C1QTNF8: variants seen among roughly 807,000 people sequenced by gnomAD.
C1QTNF8 encodes complement C1q tumor necrosis factor-related protein 8.
C1QTNF8 carries 27 observed loss-of-function variants against 19.2 expected under a neutral mutation model. The observed-to-expected ratio is 1.41, with a 90% confidence interval of 1.04 to 1.94. The LOEUF (loss-of-function observed/expected upper bound fraction) is 1.94. Ranked by LOEUF, C1QTNF8 falls within the 30% of genes most tolerant of loss-of-function variation. The pLI is 0.00. For missense variants in C1QTNF8, 484 were observed against 374.4 expected (o/e 1.29, Z -2.42); for synonymous variants, 208 against 172.8 (o/e 1.20, Z -1.60).
chr16:1,089,582 A>T lies in C1QTNF8; in HGVS notation c.*1017T>A, dbSNP rs13333683. On this transcript the variant is annotated 3_prime_UTR_variant, in exon 5 of 5. Coordinates refer to ENST00000328449, the MANE Select transcript of C1QTNF8 (RefSeq NM_207419.3). ...ACGGGCTCTGTGTGGGGTGGGCGGG[A>T]CGTGGCTGCAGCCTGGCTCTGCCTG... is the stretch of plus-strand genomic sequence containing the variant. Among the ~76,000 whole-genome samples the T allele has an allele frequency of 0.014, 2,061 of 152,254 alleles. 41 individuals carry two copies. The highest frequency in any genetic ancestry group is 0.047 in the African/African-American group (1,966 of 41,536).
chr16:1,089,193 G>A lies in C1QTNF8; in HGVS notation c.*1406C>T, dbSNP rs1372535722. The stretch of plus-strand genomic sequence containing the variant: ...AGAGGAGATGTCCTCCCTGGCCCTG[G>A]GGTGGTCCGGACCCCTGGCTCCCAT... On this transcript the variant is annotated 3_prime_UTR_variant, in exon 5 of 5. Coordinates refer to ENST00000328449, the MANE Select transcript of C1QTNF8 (RefSeq NM_207419.3). 1.3e-5 allele frequency among the ~76,000 whole-genome samples: 2 copies of A among 152,086 alleles called. No homozygotes were observed. Among genetic ancestry groups the A allele is most frequent in the African/African-American group, 4.8e-5 (2 of 41,406 alleles).
At chr16:1,092,724 A>T (rs28584893) in intron 4 of C1QTNF8, among the ~76,000 whole-genome samples, 4 of 17,316 alleles carry the variant, frequency 2.3e-4, no homozygotes, top group African/African-American at 1.4e-3. Flanking sequence ...TCAACCAATC[A>T]CAGCACACAG....
intron 1 of C1QTNF8, 50 bp downstream of exon 1, chr16:1,096,106 C>T (rs1451139612): frequency 6.6e-6 from 1 of 152,324 alleles, no homozygotes; most frequent in Non-Finnish European, 1.5e-5. Flanking sequence ...ACTCCCACAA[C>T]CAGCCCCAGG....
At chr16:1,091,710 C>T (rs1960547377) in intron 4 of C1QTNF8, among the ~76,000 whole-genome samples, 1 of 152,158 alleles carries the variant, frequency 6.6e-6, no homozygotes, top group South Asian at 2.1e-4. Flanking sequence ...GCTCTGGTGC[C>T]CATCAGGGTC....
At chr16:1,095,864 A>T (rs1171980075) in intron 1 of C1QTNF8, 76 bp from the exon 2 acceptor site, 1 of 152,314 alleles carries the variant, frequency 6.6e-6, no homozygotes, top group African/African-American at 2.4e-5. Context: ...CCATGAGCTC[A>T]GCAGACCCTG....
chr16:1,092,484 C>T (rs1222465711), intron 4 of C1QTNF8, among the ~76,000 whole-genome samples: 3 of 145,688 alleles, frequency 2.1e-5, no homozygotes, highest in Admixed American at 6.8e-5. Flanking sequence ...AGCACACAGT[C>T]GGCACTCAAC....
rs868296228 is a variant in C1QTNF8, at chr16:1,093,374, G to T, written c.*4+123C>A. On this transcript the variant is annotated intron_variant, in intron 4 of 4. Coordinates refer to ENST00000328449, the MANE Select transcript of C1QTNF8 (RefSeq NM_207419.3). Reference sequence around the variant, plus strand: ...AGTCGGCGCTGAAGCTCCGCTGCCCGCCCACCCCACCACACCCACACCCAC... The same window carrying T: ...AGTCGGCGCTGAAGCTCCGCTGCCCTCCCACCCCACCACACCCACACCCAC... 1.3e-3 allele frequency: 241 copies of T among 184,992 alleles called. 4 individuals are homozygous for T. The Middle Eastern group carries it at 0.02, about 16-fold the overall frequency. The allele number at this position is 184,992 out of a possible 1,614,324, so 11.5% of individuals were successfully genotyped here. A position where few individuals can be genotyped will look rare whatever the true frequency, so the allele number is the denominator to read the frequency against.
chr16:1,091,821 G>A (rs1018928412), intron 4 of C1QTNF8, among the ~76,000 whole-genome samples: 19 of 145,562 alleles, frequency 1.3e-4, no homozygotes, highest in Non-Finnish European at 2.1e-4. Context: ...CCAAGGACAA[G>A]CCACCACTAG....
rs760708755 is a variant in C1QTNF8 at position 1,093,802 on chromosome 16, G to C, written c.458C>G (p.Ala153Gly). 1.2e-6 allele frequency: 2 copies of C among 1,611,164 alleles called. No individual in the cohort carries two copies. The highest frequency in any genetic ancestry group is 1.7e-6 in the Non-Finnish European group (2 of 1,179,628). The change falls in exon 4 of 5, where the codon GCG (alanine) becomes GGG (glycine). Residue 153 changes from alanine to glycine, a missense_variant. Physicochemically the swap from Ala to Gly is moderately conservative, Grantham distance 60 (BLOSUM62 0). Coordinates refer to ENST00000328449, the MANE Select transcript of C1QTNF8 (RefSeq NM_207419.3). Reference protein sequence around the residue: ...VNLDGAFDLAAGRFLCTVPGV... With the variant: ...VNLDGAFDLAGGRFLCTVPGV... ...GGGCACCGTGCAGAGGAAGCGGCCC[G>C]CGGCCAGGTCGAAGGCGCCGTCCAG...
chr16:1,092,512 C>T (rs1267945735), intron 4 of C1QTNF8, among the ~76,000 whole-genome samples: 3 of 139,994 alleles, frequency 2.1e-5, no homozygotes, highest in Non-Finnish European at 4.6e-5. Context: ...TGCACACAGT[C>T]GGCGCTCAAC....
chr16:1,089,740 G>A lies in C1QTNF8; in HGVS notation c.*859C>T, dbSNP rs970411033. On this transcript the variant is annotated 3_prime_UTR_variant, in exon 5 of 5. Transcript: ENST00000328449. ...TCTCCTGGCACCTCTTAGCGCCACC[G>A]GCCGTCAGCACACGGGGTAGGGCTG... Among the ~76,000 whole-genome samples the A allele has an allele frequency of 6.6e-6, 1 of 152,236 alleles. No individual in the cohort carries two copies. Among genetic ancestry groups the A allele is most frequent in the Non-Finnish European group, 1.5e-5 (1 of 68,038 alleles).
intron 4 of C1QTNF8, among the ~76,000 whole-genome samples, chr16:1,091,403 C>T (rs1409613618): frequency 4.6e-5 from 7 of 152,030 alleles, no homozygotes; most frequent in Non-Finnish European, 1.5e-5. Flanking sequence ...GGAGGCTGGG[C>T]CGGAGGGGCT....
At chr16:1,094,562 C>G in intron 3 of C1QTNF8, 153 bp downstream of exon 3, 1 of 550,106 alleles carries the variant, frequency 1.8e-6, no homozygotes, top group African/African-American at 2.0e-5. Flanking sequence ...CGGGGGGAGC[C>G]CAGGGGTCCC....
chr16:1,090,802 C>T (rs1483551288), intron 4 of C1QTNF8, among the ~76,000 whole-genome samples: 1 of 152,242 alleles, frequency 6.6e-6, no homozygotes, highest in African/African-American at 2.4e-5. Context: ...TGAGCAGCCC[C>T]TCAGGCTGGG....
chr16:1,093,338 T>C (rs1186936280), intron 4 of C1QTNF8, among the ~76,000 whole-genome samples, 159 bp downstream of exon 4: 1 of 148,732 alleles, frequency 6.7e-6, no homozygotes, highest in African/African-American at 2.6e-5. Context: ...GCTCAACAAA[T>C]CACTGCACAC....
rs549715210 is a variant in C1QTNF8, at chr16:1,089,776, G to C, written c.*823C>G. Among the ~76,000 whole-genome samples the C allele has an allele frequency of 3.3e-5, 5 of 152,244 alleles. No homozygotes were observed. Among genetic ancestry groups the C allele is most frequent in the Admixed American group, 6.5e-5 (1 of 15,294 alleles). Reference sequence around the variant, plus strand: ...CACGGGGTAGGGCTGGGGGTGTCCCGGTCGGGGTGGGAGGCCTGGGGTCTG... The same window carrying C: ...CACGGGGTAGGGCTGGGGGTGTCCCCGTCGGGGTGGGAGGCCTGGGGTCTG... On this transcript the variant is annotated 3_prime_UTR_variant, in exon 5 of 5. Transcript: ENST00000328449.
Position 1,094,907 on chromosome 16 carries a change from G to A in C1QTNF8, c.16C>T (p.Leu6=). 1 of 1,326,696 alleles carries A rather than the reference G, an allele frequency of 7.5e-7. No homozygotes were observed. The allele number at this position is 1,326,696 out of a possible 1,614,324, so 82.2% of individuals were successfully genotyped here. A position where few individuals can be genotyped will look rare whatever the true frequency, so the allele number is the denominator to read the frequency against. MAAPA[L]LLLALLLPVG... ...GGCAGCAGCAGTGCTAGGAGCAGCA[G>A]GGCGGGGGCTGCCATCTTGGCCAGG... Residue 6 remains leucine (L), a synonymous_variant, in exon 3 of 5, where the codon CTG becomes TTG. Coordinates refer to ENST00000328449, the MANE Select transcript of C1QTNF8 (RefSeq NM_207419.3).
In C1QTNF8 at chr16:1,093,991, G is replaced by A. The variant is rs1031630655; in HGVS notation, c.269C>T (p.Pro90Leu). Residue 90 changes from proline to leucine, a missense_variant, in exon 4 of 5, where the codon CCA becomes CTA. Transcript: ENST00000328449. ...GCGGCCCTGCAGGCCCCGGGCGCCT[G>A]GCGGCCCCTCTTTCCCGCTCCTGCC... Reference protein sequence around the residue: ...RAGRSGKEGPPGARGLQGRRG... With the variant: ...RAGRSGKEGPLGARGLQGRRG... 5 of 1,475,404 alleles carry A rather than the reference G, an allele frequency of 3.4e-6. No individual in the cohort carries two copies. The highest frequency in any genetic ancestry group is 4.4e-6 in the Non-Finnish European group (5 of 1,129,672). The allele number at this position is 1,475,404 out of a possible 1,614,324, so 91.4% of individuals were successfully genotyped here. A position where few individuals can be genotyped will look rare whatever the true frequency, so the allele number is the denominator to read the frequency against.
Position 1,094,916 on chromosome 16 carries a change from C to T in C1QTNF8, c.7G>A (p.Ala3Thr). The T allele has an allele frequency of 7.6e-7, 1 of 1,310,688 alleles. No individual in the cohort carries two copies. The highest frequency in any genetic ancestry group is 9.8e-7 in the Non-Finnish European group (1 of 1,023,936). The allele number at this position is 1,310,688 out of a possible 1,614,324, so 81.2% of individuals were successfully genotyped here. Residue 3 changes from alanine (A) to threonine (T), a missense_variant, in exon 3 of 5, where the codon GCC becomes ACC. By Grantham distance (58) the Ala-to-Thr change is moderately conservative. Coordinates refer to ENST00000328449, the MANE Select transcript of C1QTNF8 (RefSeq NM_207419.3). The part of the protein sequence containing the change: MA[A>T]PALLLLALLL... ...AGTGCTAGGAGCAGCAGGGCGGGGG[C>T]TGCCATCTTGGCCAGGGCTGGGGGA... is the stretch of plus-strand genomic sequence containing the variant.
Sources: allele counts gnomAD v4.1 joint callset (sites outside exome capture counted in the v4.1 genomes callset), GRCh38; gene constraint gnomAD v4.1.1; transcripts MANE v1.5; gene names NCBI Gene and HGNC (gene_info 2026-07-23, HGNC 2026-07-21).